The following RSU1 variants were observed in gnomAD, a reference collection of about 807,000 sequenced individuals.
The protein encoded by RSU1 is Ras suppressor protein 1, also known as rsu-1.
Under a neutral mutation model 31.1 loss-of-function variants are expected in RSU1, and 26 were observed. The ratio of observed to expected loss-of-function variants is 0.84; its 90% confidence interval spans 0.61 to 1.16. RSU1 has a LOEUF of 1.16. RSU1 is among the 50% of genes most tolerant of loss of function. The pLI, the probability that RSU1 is intolerant of heterozygous loss-of-function variation, is 0.00. For missense variants in RSU1, 320 were observed against 339.1 expected (o/e 0.94, Z 0.44); for synonymous variants, 164 against 136.3 (o/e 1.20, Z -1.41).
intron 7 of RSU1, among the ~76,000 whole-genome samples, chr10:16,696,842 T>C (rs1026940399): frequency 1.5e-5 from 2 of 133,472 alleles, no homozygotes; most frequent in African/African-American, 5.1e-5. Flanking sequence ...CCATTGATCT[T>C]TGTTTTTATC....
intron 2 of RSU1, among the ~76,000 whole-genome samples, chr10:16,785,676 C>A (rs1837777054): frequency 6.6e-6 from 1 of 151,800 alleles, no homozygotes; most frequent in African/African-American, 2.4e-5. Context: ...TTGGTGGGGA[C>A]ACGGATCCAA....
chr10:16,728,469 C>T (rs1340648572), intron 7 of RSU1, among the ~76,000 whole-genome samples: 1 of 152,176 alleles, frequency 6.6e-6, no homozygotes, highest in Admixed American at 6.5e-5. Context: ...CCAGCCAGCT[C>T]ATCCAGAAGA....
At chr10:16,660,374 C>T (rs926279339) in intron 8 of RSU1, among the ~76,000 whole-genome samples, 11 of 152,058 alleles carry the variant, frequency 7.2e-5, no homozygotes, top group Non-Finnish European at 1.0e-4. Flanking sequence ...TTGTGTTTGA[C>T]CCAGGAATGT....
intron 8 of RSU1, among the ~76,000 whole-genome samples, chr10:16,598,053 C>G (rs1197187164): frequency 6.6e-6 from 1 of 152,242 alleles, no homozygotes; most frequent in African/African-American, 2.4e-5. Flanking sequence ...GGGGCCTCAA[C>G]TGGGCAAGTA....
chr10:16,627,938 T>G (rs1343166563), intron 8 of RSU1, among the ~76,000 whole-genome samples: 1 of 152,032 alleles, frequency 6.6e-6, no homozygotes, highest in Non-Finnish European at 1.5e-5. Context: ...AAAATGAAAT[T>G]TACTTTCTGC....
chr10:16,816,940 T>G (rs1838547556), intron 2 of RSU1, 33 bp downstream of exon 2: 1 of 1,460,694 alleles, frequency 6.8e-7, no homozygotes, highest in African/African-American at 1.4e-5. Flanking sequence ...GCCTTCCAGC[T>G]CATCCACGGG....
chr10:16,677,359 G>T (rs1295607793), intron 8 of RSU1, among the ~76,000 whole-genome samples: 1 of 152,136 alleles, frequency 6.6e-6, no homozygotes, highest in Non-Finnish European at 1.5e-5. Context: ...TAGGAACACA[G>T]AAGTCAATAA....
intron 8 of RSU1, among the ~76,000 whole-genome samples, chr10:16,637,099 C>G (rs1254436881): frequency 1.3e-5 from 2 of 152,190 alleles, no homozygotes; most frequent in African/African-American, 2.4e-5. Context: ...TACAGATAAA[C>G]CACATTATTA....
chr10:16,736,230 G>T (rs1836623418), intron 7 of RSU1, among the ~76,000 whole-genome samples: 2 of 151,832 alleles, frequency 1.3e-5, no homozygotes. Context: ...GGCTGGGAAA[G>T]AAAAAACAAA....
chr10:16,692,884 C>T (rs1180218284), intron 8 of RSU1, among the ~76,000 whole-genome samples: 2 of 152,152 alleles, frequency 1.3e-5, no homozygotes, highest in Non-Finnish European at 2.9e-5. Context: ...GTAATCTAAA[C>T]CACGCTTTAC....
intron 8 of RSU1, among the ~76,000 whole-genome samples, chr10:16,616,348 G>A (rs1360737434): frequency 7.6e-6 from 1 of 131,126 alleles, no homozygotes; most frequent in Non-Finnish European, 1.6e-5. Context: ...TGAAATTGAG[G>A]CAGTAATTAA....
chr10:16,780,506 G>C (rs1837628894), intron 3 of RSU1, among the ~76,000 whole-genome samples: 1 of 152,316 alleles, frequency 6.6e-6, no homozygotes, highest in African/African-American at 2.4e-5. Flanking sequence ...GCCTTCCTAA[G>C]TGCTGGGATT....
chr10:16,617,608 A>T (rs1245621959), intron 8 of RSU1, among the ~76,000 whole-genome samples: 1 of 152,244 alleles, frequency 6.6e-6, no homozygotes, highest in Non-Finnish European at 1.5e-5. Context: ...TACAGTAACC[A>T]AAACAGCATG....
At chr10:16,617,955 A>G (rs1834006714) in intron 8 of RSU1, among the ~76,000 whole-genome samples, 1 of 152,230 alleles carries the variant, frequency 6.6e-6, no homozygotes, top group South Asian at 2.1e-4. Flanking sequence ...ACCAAAAGCA[A>G]TGGCAACAAA....
chr10:16,597,313 A>C (rs1040540367), intron 8 of RSU1, among the ~76,000 whole-genome samples: 4 of 152,118 alleles, frequency 2.6e-5, no homozygotes, highest in African/African-American at 9.7e-5. Context: ...AGCGAACTGG[A>C]ATGTTCCACT....
chr10:16,676,907 A>G (rs1835244272), intron 8 of RSU1, among the ~76,000 whole-genome samples: 1 of 152,186 alleles, frequency 6.6e-6, no homozygotes, highest in African/African-American at 2.4e-5. Context: ...GGGTTGCTAA[A>G]TTAGAATCAG....
intron 8 of RSU1, among the ~76,000 whole-genome samples, chr10:16,624,850 C>G (rs372479237): frequency 6.6e-6 from 1 of 152,258 alleles, no homozygotes; most frequent in Non-Finnish European, 1.5e-5. Flanking sequence ...AAAGTTCAGA[C>G]TGACTCCCGT....
intron 7 of RSU1, among the ~76,000 whole-genome samples, chr10:16,731,980 T>A (rs918489556): frequency 2.0e-5 from 3 of 152,214 alleles, no homozygotes; most frequent in African/African-American, 7.2e-5. Context: ...ATGGCTTTCA[T>A]TGACTTCCTT....
At chr10:16,771,054 C>CT (rs1182619580) in intron 3 of RSU1, among the ~76,000 whole-genome samples, 6 of 150,822 alleles carry the variant, frequency 4.0e-5, no homozygotes, top group Admixed American at 4.0e-4. Context: ...ATTTCTGCAG[C>CT]TTTTTTTATA....
Sources: gnomAD v4.1 joint callset for allele counts (sites outside exome capture counted in the v4.1 genomes callset) on GRCh38, gnomAD v4.1.1 for gene constraint, MANE v1.5 for transcripts, NCBI Gene and HGNC (gene_info 2026-07-23, HGNC 2026-07-21) for gene names.